The following RPH3A variants were observed in gnomAD, a reference collection of about 807,000 sequenced individuals.
RPH3A encodes the protein rabphilin 3A.
RPH3A carries 48 observed loss-of-function variants against 102.2 expected under a neutral mutation model. The ratio of observed to expected loss-of-function variants is 0.47; its 90% CI spans 0.37 to 0.60. RPH3A has a LOEUF of 0.60. Ranked by LOEUF, RPH3A falls within the 20% of genes least tolerant of loss-of-function variation. RPH3A has a pLI of 0.00. For synonymous variants in RPH3A, 310 were observed against 324.3 expected, an observed-to-expected ratio of 0.96 and a Z score of 0.47; for missense variants, 781 against 910.1, an observed-to-expected ratio of 0.86 and a Z score of 1.83.
chr12:112,612,181 C>A (rs1410714768), intron 1 of RPH3A, among the ~76,000 whole-genome samples: 1 of 152,114 alleles, frequency 6.6e-6, no homozygotes, highest in Non-Finnish European at 1.5e-5. Flanking sequence ...GGGGGGTGGG[C>A]TATTCATTTG....
At chr12:112,743,700 C>A (rs1003620044) in intron 1 of RPH3A, among the ~76,000 whole-genome samples, 2 of 151,938 alleles carry the variant, frequency 1.3e-5, no homozygotes, top group Admixed American at 1.3e-4. Context: ...CCCCCAAGGG[C>A]AATAGGGAGT....
At chr12:112,865,084 CAG>C (rs1398406633) in intron 5 of RPH3A, among the ~76,000 whole-genome samples, 1 of 152,084 alleles carries the variant, frequency 6.6e-6, no homozygotes, top group Non-Finnish European at 1.5e-5. Flanking sequence ...ATGATGGAGA[CAG>C]ATAAATAGAC....
intron 5 of RPH3A, among the ~76,000 whole-genome samples, chr12:112,857,236 A>G (rs2042425908): frequency 1.3e-5 from 2 of 152,120 alleles, no homozygotes; most frequent in South Asian, 4.1e-4. Context: ...TTGGATTCAG[A>G]CCCAAATCAG....
intron 1 of RPH3A, among the ~76,000 whole-genome samples, chr12:112,631,187 C>T (rs1450104049): frequency 1.3e-5 from 2 of 152,154 alleles, no homozygotes; most frequent in African/African-American, 4.8e-5. Flanking sequence ...CAAACTTGGA[C>T]ACAAAACTTT....
chr12:112,615,441 T>A (rs2039671566), intron 1 of RPH3A, among the ~76,000 whole-genome samples: 1 of 152,004 alleles, frequency 6.6e-6, no homozygotes, highest in Non-Finnish European at 1.5e-5. Flanking sequence ...ACTAGAGAGG[T>A]GGTCTCCATG....
chr12:112,873,186 G>A (rs370694949), intron 10 of RPH3A, among the ~76,000 whole-genome samples: 108 of 152,026 alleles, frequency 7.1e-4, no homozygotes, highest in African/African-American at 2.3e-3. Context: ...ACTCTCTGCC[G>A]GGTATGTGAT....
intron 4 of RPH3A, among the ~76,000 whole-genome samples, chr12:112,836,769 G>A (rs2042058284): frequency 6.6e-6 from 1 of 152,134 alleles, no homozygotes; most frequent in Admixed American, 6.5e-5. Flanking sequence ...TGATTTGTAG[G>A]ATTTCAGCAA....
chr12:112,829,515 TC>T (rs2136155358), intron 3 of RPH3A, among the ~76,000 whole-genome samples: 1 of 152,256 alleles, frequency 6.6e-6, no homozygotes, highest in South Asian at 2.1e-4. Flanking sequence ...CAAGTGATCC[TC>T]CTGCCTTGGC....
At chr12:112,755,181 CT>C (rs974630263) in intron 1 of RPH3A, among the ~76,000 whole-genome samples, 5 of 151,990 alleles carry the variant, frequency 3.3e-5, no homozygotes, top group Admixed American at 6.6e-5. Context: ...TCCTCCTTAC[CT>C]TTTATTCATC....
intron 2 of RPH3A, among the ~76,000 whole-genome samples, chr12:112,800,291 C>T (rs139937954): frequency 2.0e-5 from 3 of 152,220 alleles, no homozygotes; most frequent in East Asian, 1.9e-4. Context: ...GGATGAGCCA[C>T]ACCTGGGAAG....
chr12:112,759,989 G>A (rs962994887), intron 1 of RPH3A, among the ~76,000 whole-genome samples: 4 of 151,944 alleles, frequency 2.6e-5, no homozygotes, highest in African/African-American at 9.7e-5. Flanking sequence ...CAGCCGGCCC[G>A]ACCAGCCGGC....
intron 1 of RPH3A, among the ~76,000 whole-genome samples, chr12:112,640,152 C>T (rs1398979395): frequency 6.6e-6 from 1 of 151,074 alleles, no homozygotes; most frequent in Non-Finnish European, 1.5e-5. Context: ...GAAACCACGT[C>T]TCTACTAAAA....
intron 2 of RPH3A, among the ~76,000 whole-genome samples, chr12:112,807,120 CA>C (rs1281389878): frequency 1.3e-5 from 2 of 151,866 alleles, no homozygotes; most frequent in South Asian, 2.1e-4. Context: ...GCAATCAAGA[CA>C]AATCAAGCAA....
intron 1 of RPH3A, among the ~76,000 whole-genome samples, chr12:112,746,290 C>T (rs774791157): frequency 2.6e-5 from 4 of 152,146 alleles, no homozygotes; most frequent in Non-Finnish European, 5.9e-5. Context: ...AATGCATGAT[C>T]ACACACTTTG....
chr12:112,648,222 A>AT (rs1002253979), intron 1 of RPH3A, among the ~76,000 whole-genome samples: 3 of 151,900 alleles, frequency 2.0e-5, no homozygotes, highest in Non-Finnish European at 2.9e-5. Flanking sequence ...CCATATTTCT[A>AT]TTTTTTTACT....
intron 1 of RPH3A, among the ~76,000 whole-genome samples, chr12:112,689,727 G>T (rs769034009): frequency 6.6e-6 from 1 of 152,220 alleles, no homozygotes; most frequent in African/African-American, 2.4e-5. Flanking sequence ...GCTGAAGGCT[G>T]ATTTTTCCCC....
intron 1 of RPH3A, among the ~76,000 whole-genome samples, chr12:112,749,962 G>A (rs931831624): frequency 6.6e-6 from 1 of 152,160 alleles, no homozygotes; most frequent in East Asian, 1.9e-4. Flanking sequence ...CATCTCTATG[G>A]GATGCTTAAT....
intron 1 of RPH3A, among the ~76,000 whole-genome samples, chr12:112,706,587 T>C (rs1255294885): frequency 1.3e-5 from 2 of 152,090 alleles, no homozygotes; most frequent in African/African-American, 4.8e-5. Flanking sequence ...TAGGAAGTGG[T>C]TTTTACACAG....
intron 1 of RPH3A, among the ~76,000 whole-genome samples, chr12:112,613,486 T>A (rs2039654702): frequency 6.6e-6 from 1 of 152,162 alleles, no homozygotes; most frequent in South Asian, 2.1e-4. Flanking sequence ...CATGGATATG[T>A]TACCTTCCAG....
Sources: gnomAD v4.1 joint callset for allele counts (sites outside exome capture counted in the v4.1 genomes callset) on GRCh38, gnomAD v4.1.1 for gene constraint, MANE v1.5 for transcripts, NCBI Gene and HGNC (gene_info 2026-07-23, HGNC 2026-07-21) for gene names.